Variants in RELN observed in about 807,000 individuals in gnomAD.
RELN encodes the protein reelin.
Under a neutral mutation model 427.6 loss-of-function variants are expected in RELN, and 108 were observed. That is an observed-to-expected ratio of 0.25 (90% CI 0.22 to 0.30). The LOEUF (loss-of-function observed/expected upper bound fraction) is 0.30. Among genes scored for constraint, RELN ranks in the 10% least tolerant of loss-of-function variants. The pLI, the probability that RELN is intolerant of heterozygous loss-of-function variation, is 1.00. For synonymous variants in RELN, 1,524 were observed against 1,513.4 expected (o/e 1.01, Z -0.16); for missense variants, 3,715 against 4,302.8 (o/e 0.86, Z 3.82).
At chr7:103,577,898 A>G (rs760687565) in intron 28 of RELN, among the ~76,000 whole-genome samples, 2 of 152,160 alleles carry the variant, frequency 1.3e-5, no homozygotes, top group Non-Finnish European at 2.9e-5. Context: ...TGTGGTAAGG[A>G]AAGTGATGAA....
chr7:103,925,068 C>A (rs1375867166), intron 1 of RELN, among the ~76,000 whole-genome samples: 1 of 150,000 alleles, frequency 6.7e-6, no homozygotes, highest in Non-Finnish European at 1.5e-5. Flanking sequence ...AAAATATTAA[C>A]CTTGAGGTAA....
At position 103,630,064 on chromosome 7, in the gene RELN, T is replaced by A; in HGVS notation, c.2578A>T (p.Ile860Phe). ...REDVWAIDEI[I>F]MTSVLFNSIS... ...CTGTTGAAAAGCACAGATGTCATGA[T>A]AATCTCATCAATAGCCCATACATCT... The change falls in exon 20 of 65, where the codon ATC (isoleucine) becomes TTC (phenylalanine). Residue 860 changes from isoleucine to phenylalanine, a missense_variant. Ile to Phe is a conservative substitution (Grantham distance 21). Transcript: ENST00000428762. The A allele has an allele frequency of 6.2e-7, 1 of 1,613,214 alleles. No individual in the cohort carries two copies. Among genetic ancestry groups the A allele is most frequent in the South Asian group, 1.1e-5 (1 of 91,058 alleles).
At chr7:103,885,428 TC>T (rs891288580) in intron 2 of RELN, among the ~76,000 whole-genome samples, 4 of 152,202 alleles carry the variant, frequency 2.6e-5, no homozygotes, top group African/African-American at 7.2e-5. Flanking sequence ...TGAGTTCATG[TC>T]CTTTGCAGGG....
At chr7:103,907,791 TTA>T (rs1563083467) in intron 2 of RELN, among the ~76,000 whole-genome samples, 8 of 20,070 alleles carry the variant, frequency 4.0e-4, no homozygotes, top group South Asian at 1.5e-3. Flanking sequence ...AAAAAAAAAC[TTA>T]TTTTTTTTTA....
In RELN at chr7:103,630,168, G is replaced by T; in HGVS notation, c.2474C>A (p.Ser825Tyr). The change falls in exon 20 of 65, where the codon TCC becomes TAC. Residue 825 changes from serine to tyrosine, a missense_variant. Ser to Tyr is a moderately radical substitution (Grantham distance 144, BLOSUM62 -2). This residue lies in a region of RELN where 2,208 missense variants were observed against 2,361.7 expected (regional missense o/e 0.93). Coordinates refer to ENST00000428762, the MANE Select transcript of RELN (RefSeq NM_005045.4). ...YLSYHEPRII[S>Y]VELPGDAKQF... The stretch of plus-strand genomic sequence containing the variant: ...CTTTGCATCACCTGGTAGTTCTACG[G>T]AGATTATTCTAGAGAAAAAAAAAAA... 6.2e-7 allele frequency: 1 copy of T among 1,605,468 alleles called. No homozygotes were observed.
chr7:103,487,132 C>T (rs1031784707), intron 60 of RELN, among the ~76,000 whole-genome samples: 2 of 152,236 alleles, frequency 1.3e-5, no homozygotes, highest in Non-Finnish European at 2.9e-5. Context: ...TGGAAACCAT[C>T]ATTCTCTGCA....
chr7:103,735,449 G>A (rs1790467586), intron 6 of RELN, among the ~76,000 whole-genome samples: 1 of 152,114 alleles, frequency 6.6e-6, no homozygotes, highest in Non-Finnish European at 1.5e-5. Flanking sequence ...AAATGTCCCT[G>A]TAGTCTGGGG....
intron 10 of RELN, among the ~76,000 whole-genome samples, chr7:103,688,249 C>T (rs1833803223): frequency 6.6e-6 from 1 of 152,076 alleles, no homozygotes; most frequent in Non-Finnish European, 1.5e-5. Context: ...TCTAACTGAG[C>T]TCAGGTTTAT....
chr7:103,605,478 T>C (rs1005421871), intron 22 of RELN, among the ~76,000 whole-genome samples: 5 of 152,200 alleles, frequency 3.3e-5, no homozygotes, highest in Non-Finnish European at 7.4e-5. Flanking sequence ...GAGAAGTGGA[T>C]ATTTTGAGAG....
chr7:103,501,078 A>G lies in RELN; in HGVS notation c.8490-156T>C, dbSNP rs144789858. 2.2e-4 allele frequency among the ~76,000 whole-genome samples: 34 copies of G among 152,344 alleles called. No homozygotes were observed. The East Asian group carries it at 6.0e-3, about 27-fold the overall frequency. ...TAAAAAATGTTTTCTGACCACTCTT[A>G]TCTTTCTAGTAATGGAACTTTCAAG... On this transcript the variant is annotated intron_variant, in intron 52 of 64. Transcript: ENST00000428762.
At chr7:103,970,174 G>T (rs1164815430) in intron 1 of RELN, among the ~76,000 whole-genome samples, 1 of 150,250 alleles carries the variant, frequency 6.7e-6, no homozygotes, top group African/African-American at 2.5e-5. Context: ...ATGGAGTCTG[G>T]CTCAGTCACC....
intron 2 of RELN, among the ~76,000 whole-genome samples, chr7:103,884,846 T>C (rs1038172055): frequency 1.3e-5 from 2 of 152,194 alleles, no homozygotes; most frequent in African/African-American, 4.8e-5. Flanking sequence ...GAGTGTAAAC[T>C]AGTTCAACCA....
chr7:103,869,714 C>T (rs958407966), intron 2 of RELN, among the ~76,000 whole-genome samples: 2 of 152,008 alleles, frequency 1.3e-5, no homozygotes, highest in Non-Finnish European at 1.5e-5. Flanking sequence ...CTATAGTGTG[C>T]CTAGTTATGA....
intron 11 of RELN, among the ~76,000 whole-genome samples, chr7:103,662,019 C>G (rs746534013): frequency 3.3e-5 from 5 of 152,138 alleles, no homozygotes; most frequent in Non-Finnish European, 7.4e-5. Flanking sequence ...TAAACTGGGT[C>G]TCATCAAACA....
chr7:103,575,702 C>G lies in RELN; in HGVS notation c.4149G>C (p.Lys1383Asn), dbSNP rs1372042011. 1.2e-6 allele frequency: 2 copies of G among 1,614,040 alleles called. No individual in the cohort carries two copies. The highest frequency in any genetic ancestry group is 1.7e-6 in the Non-Finnish European group (2 of 1,180,028). Residue 1383 changes from lysine (K) to asparagine (N), a missense_variant, in exon 29 of 65, where the codon AAG becomes AAC. Physicochemically the swap from Lys to Asn is moderately conservative, Grantham distance 94. Around this residue, in one of 4 missense-constraint regions of RELN, gnomAD observed 2,208 missense variants for 2,361.7 expected, o/e 0.93. Transcript: ENST00000428762. Reference protein sequence around the residue: ...IVIPRSLASSKTRFRWIQESS... With the variant: ...IVIPRSLASSNTRFRWIQESS... ...TCTCCTGGATCCATCGGAATCTGGT[C>G]TTGCTGTTGGGAAAAACAACACACC...
chr7:103,698,091 G>A lies in RELN; in HGVS notation c.905C>T (p.Ala302Val), dbSNP rs2115781635. 6.2e-7 allele frequency: 1 copy of A among 1,613,652 alleles called. No homozygotes were observed. Among genetic ancestry groups the A allele is most frequent in the Non-Finnish European group, 8.5e-7 (1 of 1,179,694 alleles). The change falls in exon 10 of 65, where the codon GCC becomes GTC. Residue 302 changes from alanine (A) to valine (V), a missense_variant and splice_region_variant. Transcript: ENST00000428762. ...ADWIQLEKIRAPSNVSTIIHI... is the reference protein window; with the variant it reads ...ADWIQLEKIRVPSNVSTIIHI... ...GATGATTGTGCTGACATTGGAAGGGGCTCTGGAACATACAGAGAGATGGCA... is the reference window on the plus strand; with the variant it reads ...GATGATTGTGCTGACATTGGAAGGGACTCTGGAACATACAGAGAGATGGCA...
At chr7:103,749,664 G>A (rs1393779097) in intron 5 of RELN, among the ~76,000 whole-genome samples, 160 bp from the exon 6 acceptor site, 1 of 152,120 alleles carries the variant, frequency 6.6e-6, no homozygotes, top group Non-Finnish European at 1.5e-5. Flanking sequence ...AAACTACTAA[G>A]GGACAAGGGT....
intron 5 of RELN, among the ~76,000 whole-genome samples, chr7:103,752,198 G>A (rs773854977): frequency 2.6e-5 from 4 of 152,160 alleles, no homozygotes; most frequent in African/African-American, 4.8e-5. Context: ...CTTTGCAGAT[G>A]AGAAAACTGA....
In RELN at chr7:103,652,859, C is replaced by T. The variant is rs1010481472; in HGVS notation, c.1555-100G>A. 2.3e-5 allele frequency: 23 copies of T among 1,015,824 alleles called. No individual in the cohort carries two copies. In the East Asian group the frequency reaches 5.4e-4, roughly 24 times the overall value. The allele number at this position is 1,015,824 out of a possible 1,614,324, so 62.9% of individuals were successfully genotyped here. On this transcript the variant is annotated intron_variant, in intron 13 of 64. Transcript: ENST00000428762. Reference sequence around the variant, plus strand: ...CTAATGAACGCTATGTACATAACTGCCATTTATTAAGCACCAGGACACGTC... The same window carrying T: ...CTAATGAACGCTATGTACATAACTGTCATTTATTAAGCACCAGGACACGTC...
Sources: allele counts gnomAD v4.1 joint callset (sites outside exome capture counted in the v4.1 genomes callset), GRCh38; gene constraint gnomAD v4.1.1; regional missense constraint gnomAD v4.1.1; transcripts MANE v1.5; gene names NCBI Gene and HGNC (gene_info 2026-07-23, HGNC 2026-07-21).